SGCG: variants seen among roughly 807,000 people sequenced by gnomAD.
SGCG encodes sarcoglycan gamma, also known as gamma-sarcoglycan.
In SGCG, 26 loss-of-function variants were observed where a neutral mutation model predicts 29.3. The observed-to-expected ratio is 0.89, with a 90% CI of 0.65 to 1.23. SGCG has a LOEUF of 1.23. Ranked by LOEUF, SGCG falls within the 50% of genes most tolerant of loss-of-function variation. The pLI is 0.00. For synonymous variants in SGCG, 145 were observed against 129.7 expected (o/e 1.12, Z -0.80); for missense variants, 353 against 356.0 (o/e 0.99, Z 0.07).
intron 4 of SGCG, among the ~76,000 whole-genome samples, chr13:23,264,591 G>A (rs575890115): frequency 2.0e-5 from 3 of 151,956 alleles, no homozygotes; most frequent in East Asian, 1.9e-4. Flanking sequence ...AAATTCATAC[G>A]GAACCAAAAA....
rs528676872 is a variant in SGCG at position 23,203,029 on chromosome 13, T to G, written c.1-666T>G. Among the ~76,000 whole-genome samples the G allele has an allele frequency of 3.3e-3, 504 of 152,182 alleles. 2 individuals are homozygous for G. The highest frequency in any genetic ancestry group is 0.011 in the African/African-American group (475 of 41,522). On this transcript the variant is annotated intron_variant, in intron 1 of 7. Coordinates refer to ENST00000218867, the MANE Select transcript of SGCG (RefSeq NM_000231.3). Reference sequence around the variant, plus strand: ...GACTGGAGTGCAGTGGCGCGATCTCTGCTCACTGCAACCTCCATCTACTGG... The same window carrying G: ...GACTGGAGTGCAGTGGCGCGATCTCGGCTCACTGCAACCTCCATCTACTGG...
intron 6 of SGCG, among the ~76,000 whole-genome samples, chr13:23,317,194 CA>C (rs59885682): frequency 2.0e-5 from 3 of 147,380 alleles, no homozygotes; most frequent in Admixed American, 6.7e-5. Flanking sequence ...GACTCCGTCT[CA>C]AAAAAAAAAG....
At position 23,227,326 on chromosome 13, in the gene SGCG, AAAAC is replaced by A. The variant is rs1371147498; in HGVS notation, c.196-7281_196-7278del. 2.7e-3 allele frequency among the ~76,000 whole-genome samples: 226 copies of A among 83,320 alleles called. 3 individuals are homozygous for A. The highest frequency in any genetic ancestry group is 6.4e-3 in the African/African-American group (112 of 17,402). The allele number at this position is 83,320 out of a possible 152,430, so 54.7% of individuals were successfully genotyped here. A position where few individuals can be genotyped will look rare whatever the true frequency, so the allele number is the denominator to read the frequency against. Reference sequence around the variant, plus strand: ...CCTATTAAGAATGGGAAAAAAAAAAAAAACAAAAACCTGGCAGTACCAAGTGCTG... The same window carrying A: ...CCTATTAAGAATGGGAAAAAAAAAAAAAAAACCTGGCAGTACCAAGTGCTG... On this transcript the variant is annotated intron_variant, in intron 2 of 7. Transcript: ENST00000218867.
At chr13:23,179,904 G>C (rs1055659779), upstream of SGCG, among the ~76,000 whole-genome samples, 6 of 152,116 alleles carry the variant, frequency 3.9e-5, no homozygotes, top group African/African-American at 1.4e-4. Context: ...GGTTCGAGGG[G>C]TACATGTGCA....
intron 2 of SGCG, among the ~76,000 whole-genome samples, chr13:23,215,930 C>T (rs1878408781): frequency 6.6e-6 from 1 of 151,874 alleles, no homozygotes; most frequent in Non-Finnish European, 1.5e-5. Flanking sequence ...GCTTACAAGA[C>T]TATGTGCACA....
chr13:23,250,731 C>T lies in SGCG; in HGVS notation c.385+14C>T. Reference sequence around the variant, plus strand: ...GGTTAAAAGTCGGTGAGTCCAGCTTCATCATGGTGCTTTGCATGCATGTTG... The same window carrying T: ...GGTTAAAAGTCGGTGAGTCCAGCTTTATCATGGTGCTTTGCATGCATGTTG... On this transcript the variant is annotated intron_variant, in intron 4 of 7. Transcript: ENST00000218867. 2.0e-6 allele frequency: 3 copies of T among 1,488,678 alleles called. No individual in the cohort carries two copies. The highest frequency in any genetic ancestry group is 2.8e-6 in the Non-Finnish European group (3 of 1,066,014). The allele number at this position is 1,488,678 out of a possible 1,614,324, so 92.2% of individuals were successfully genotyped here.
At chr13:23,243,602 G>A (rs896586761) in intron 3 of SGCG, 3 of 152,172 alleles carry the variant, frequency 2.0e-5, no homozygotes, top group African/African-American at 7.2e-5. Flanking sequence ...CTTTCTCTGC[G>A]CTTGGGAGTG....
In SGCG at chr13:23,299,456, A is replaced by ATTTTT. The variant is rs71100168; in HGVS notation, c.578+3981_578+3985dup. 3.0e-3 allele frequency among the ~76,000 whole-genome samples: 125 copies of ATTTTT among 41,530 alleles called. 17 individuals are homozygous for ATTTTT. The highest frequency in any genetic ancestry group is 4.2e-3 in the Non-Finnish European group (88 of 20,844). The allele number at this position is 41,530 out of a possible 152,430, so 27.2% of individuals were successfully genotyped here. A position where few individuals can be genotyped will look rare whatever the true frequency, so the allele number is the denominator to read the frequency against. On this transcript the variant is annotated intron_variant, in intron 6 of 7. Transcript: ENST00000218867. ...TATATATATATATATATATATATAT[A>ATTTTT]TTTTTTTTTTTTTTTTAGTCGGAGT...
intron 3 of SGCG, among the ~76,000 whole-genome samples, chr13:23,238,689 T>C (rs796374807): frequency 2.0e-5 from 3 of 152,228 alleles, no homozygotes; most frequent in African/African-American, 7.2e-5. Context: ...AAACTACATT[T>C]CATCTGTGCA....
At chr13:23,173,453 A>G in the SGCG span, among the ~76,000 whole-genome samples, 1 of 151,756 alleles carries the variant, frequency 6.6e-6, no homozygotes, top group African/African-American at 2.4e-5. Flanking sequence ...TTCTTACACA[A>G]ATGAAGATTT....
intron 2 of SGCG, among the ~76,000 whole-genome samples, chr13:23,231,323 C>T (rs1178566232): frequency 1.7e-5 from 2 of 116,318 alleles, no homozygotes; most frequent in African/African-American, 6.8e-5. Context: ...ATGAGTCCCT[C>T]TTTCTCTTTT....
chr13:23,232,038 G>A (rs894041815), intron 2 of SGCG, among the ~76,000 whole-genome samples: 1 of 151,832 alleles, frequency 6.6e-6, no homozygotes, highest in Non-Finnish European at 1.5e-5. Context: ...AGAAACACTT[G>A]AGCCCAGGAG....
rs542343667 is a variant in SGCG, at chr13:23,248,912, A to G, written c.298-1718A>G. ...AGGCTGAGGCAGGAGAATGGCGTGAACCCGGGAGGCGGAGCTTGCAGTGAG... is the reference window on the plus strand; with the variant it reads ...AGGCTGAGGCAGGAGAATGGCGTGAGCCCGGGAGGCGGAGCTTGCAGTGAG... On this transcript the variant is annotated intron_variant, in intron 3 of 7. Transcript: ENST00000218867. Among the ~76,000 whole-genome samples, 52 of 145,196 alleles carry G rather than the reference A, an allele frequency of 3.6e-4. 2 individuals are homozygous for G. In the East Asian group the frequency reaches 0.011, roughly 30 times the overall value.
chr13:23,253,637 C>A (rs761860907), intron 4 of SGCG, among the ~76,000 whole-genome samples: 4 of 152,138 alleles, frequency 2.6e-5, no homozygotes, highest in African/African-American at 9.7e-5. Flanking sequence ...CAGTCAAAAC[C>A]AAAAATCCCA....
Position 23,318,484 on chromosome 13 carries a change from C to T in SGCG, c.579-2153C>T, listed in dbSNP as rs191094935. 1.1e-3 allele frequency among the ~76,000 whole-genome samples: 162 copies of T among 150,510 alleles called. 1 individual carries two copies. The highest frequency in any genetic ancestry group is 3.5e-3 in the Middle Eastern group (1 of 282). On this transcript the variant is annotated intron_variant, in intron 6 of 7. Transcript: ENST00000218867. ...TATATATAATATATATTTAATATTA[C>T]ACACACACATAAGCATTTGGATATA...
chr13:23,221,145 T>G (rs1878641897), intron 2 of SGCG, among the ~76,000 whole-genome samples: 1 of 152,190 alleles, frequency 6.6e-6, no homozygotes, highest in South Asian at 2.1e-4. Flanking sequence ...CCTAAAATTG[T>G]TACTAACATC....
chr13:23,234,698 A>G lies in SGCG; in HGVS notation c.283A>G (p.Ile95Val). 6.3e-7 allele frequency: 1 copy of G among 1,593,882 alleles called. No homozygotes were observed. The highest frequency in any genetic ancestry group is 8.6e-7 in the Non-Finnish European group (1 of 1,161,698). The stretch of plus-strand genomic sequence containing the variant: ...TTTATTCCCATTGTATGCCAAAGAA[A>G]TACACTCCAGAGTGGTAAGAAAATG... ...EFLFPLYAKE[I>V]HSRVDSSLLL... Residue 95 changes from isoleucine (I) to valine (V), a missense_variant, in exon 3 of 8, where the codon ATA becomes GTA. Transcript: ENST00000218867.
the SGCG span, chr13:23,170,145 A>T: frequency 6.6e-6 from 1 of 152,354 alleles, no homozygotes; most frequent in Admixed American, 6.5e-5. Context: ...TGAACAAGAG[A>T]ATATCTGATT....
In SGCG at chr13:23,228,611, C is replaced by T. The variant is rs565184791; in HGVS notation, c.196-6000C>T. Among the ~76,000 whole-genome samples the T allele has an allele frequency of 9.5e-4, 145 of 152,098 alleles. 1 individual carries two copies. Among genetic ancestry groups the T allele is most frequent in the African/African-American group, 3.4e-3 (141 of 41,474 alleles). ...TGCTTGTTTGTTTTTTGAACCTCTC[C>T]CTCCTCCCACCCTCCACCCTCAATT... On this transcript the variant is annotated intron_variant, in intron 2 of 7. Coordinates refer to ENST00000218867, the MANE Select transcript of SGCG (RefSeq NM_000231.3).
Sources: allele counts gnomAD v4.1 joint callset (sites outside exome capture counted in the v4.1 genomes callset), GRCh38; gene constraint gnomAD v4.1.1; transcripts MANE v1.5; gene names NCBI Gene and HGNC (gene_info 2026-07-23, HGNC 2026-07-21).